KIAA1217: variants seen among roughly 807,000 people sequenced by gnomAD.
KIAA1217 encodes the protein KIAA1217.
In KIAA1217, 88 loss-of-function variants were observed where a neutral mutation model predicts 163.9. The observed-to-expected ratio is 0.54, with a 90% CI of 0.45 to 0.64. The LOEUF is 0.64. Among genes scored for constraint, KIAA1217 ranks in the 30% least tolerant of loss-of-function variants. The pLI is 0.00. For missense variants in KIAA1217, 2,372 were observed against 2,475.0 expected, an observed-to-expected ratio of 0.96 and a Z score of 0.88; for synonymous variants, 903 against 923.1, an observed-to-expected ratio of 0.98 and a Z score of 0.39.
At chr10:23,702,008 C>T (rs1836485277) in intron 1 of KIAA1217, among the ~76,000 whole-genome samples, 1 of 152,070 alleles carries the variant, frequency 6.6e-6, no homozygotes, top group Non-Finnish European at 1.5e-5. Context: ...GAAAGAGAGC[C>T]TTGGGTTTAG....
At chr10:23,906,359 T>C (rs1434065344) in intron 1 of KIAA1217, among the ~76,000 whole-genome samples, 1 of 152,046 alleles carries the variant, frequency 6.6e-6, no homozygotes, top group East Asian at 1.9e-4. Flanking sequence ...AATCTCTTCA[T>C]TACTCACTAC....
chr10:24,271,520 G>A (rs1204800670), intron 2 of KIAA1217, among the ~76,000 whole-genome samples: 1 of 152,144 alleles, frequency 6.6e-6, no homozygotes, highest in African/African-American at 2.4e-5. Context: ...GGAGGCCGAG[G>A]TGGGTAGATC....
intron 5 of KIAA1217, among the ~76,000 whole-genome samples, chr10:24,444,513 A>G (rs1046460324): frequency 6.6e-6 from 1 of 152,212 alleles, no homozygotes; most frequent in East Asian, 1.9e-4. Flanking sequence ...CAAAGCCACA[A>G]GCCATATTAT....
At position 23,763,920 on chromosome 10, in the gene KIAA1217, C is replaced by A. The variant is rs117658812; in HGVS notation, c.-321+68686C>A. On this transcript the variant is annotated intron_variant, in intron 1 of 18. Transcript: ENST00000376462. ...TAGTTGGGAAAGTCATTTAAAAAAG[C>A]CAAAAGCAATTGCAACAAAAGCCAA... Among the ~76,000 whole-genome samples the A allele has an allele frequency of 1.3e-3, 201 of 151,982 alleles. 5 individuals carry two copies. In the East Asian group the frequency reaches 0.033, roughly 25 times the overall value.
chr10:24,064,162 G>C (rs1019518624), intron 2 of KIAA1217, among the ~76,000 whole-genome samples: 6 of 152,146 alleles, frequency 3.9e-5, no homozygotes, highest in African/African-American at 1.2e-4. Context: ...GCCCTGGCCA[G>C]AACTTCCAAC....
rs220346 is a variant in KIAA1217 at position 24,341,331 on chromosome 10, T to C, written c.355-39538T>C. The stretch of plus-strand genomic sequence containing the variant: ...AATCCTTCATTGGGATGGAAATCAG[T>C]AGGTCAGTTGGAAGATTGTCAAGCC... On this transcript the variant is annotated intron_variant, in intron 2 of 20. Transcript: ENST00000376454. Among the ~76,000 whole-genome samples the C allele has an allele frequency of 1.9e-3, 290 of 151,866 alleles. 2 individuals are homozygous for C. The highest frequency in any genetic ancestry group is 0.014 in the Middle Eastern group (4 of 294).
intron 1 of KIAA1217, among the ~76,000 whole-genome samples, chr10:23,740,922 T>C (rs7920016): frequency 0.28 from 42,682 of 151,984 alleles, 6,716 homozygotes; most frequent in African/African-American, 0.42. Context: ...AGCAAGACTC[T>C]GTCTCAAAAA....
At chr10:24,417,334 T>C (rs1332196626) in intron 3 of KIAA1217, among the ~76,000 whole-genome samples, 1 of 152,150 alleles carries the variant, frequency 6.6e-6, no homozygotes, top group East Asian at 1.9e-4. Context: ...CTTCAGTAGA[T>C]CTGGGGAACA....
At chr10:24,078,849 T>C (rs1035902966) in intron 2 of KIAA1217, among the ~76,000 whole-genome samples, 2 of 152,182 alleles carry the variant, frequency 1.3e-5, no homozygotes, top group African/African-American at 2.4e-5. Flanking sequence ...CTGTGTCCTA[T>C]GGGCAATGCC....
chr10:24,345,094 C>T (rs1378654560), intron 2 of KIAA1217, among the ~76,000 whole-genome samples: 3 of 152,180 alleles, frequency 2.0e-5, no homozygotes, highest in Admixed American at 2.0e-4. Flanking sequence ...TGTTCTTTGG[C>T]TTCAGATATG....
intron 11 of KIAA1217, 50 bp downstream of exon 11, chr10:24,520,303 G>T: frequency 6.2e-7 from 1 of 1,600,622 alleles, no homozygotes; most frequent in Non-Finnish European, 8.5e-7. Context: ...CTTTCCTGCG[G>T]TGTTTAAAAA....
intron 2 of KIAA1217, among the ~76,000 whole-genome samples, chr10:24,270,035 G>A (rs764248237): frequency 8.5e-5 from 13 of 152,328 alleles, no homozygotes; most frequent in Admixed American, 3.3e-4. Context: ...GGCAGTAAGC[G>A]TTAGAACACA....
intron 2 of KIAA1217, among the ~76,000 whole-genome samples, chr10:24,073,723 G>A (rs1334327388): frequency 6.6e-6 from 1 of 152,190 alleles, no homozygotes; most frequent in Non-Finnish European, 1.5e-5. Flanking sequence ...TGACTCCTCT[G>A]AACTTCCAGA....
At chr10:23,773,450 T>C (rs1305580661) in intron 1 of KIAA1217, among the ~76,000 whole-genome samples, 1 of 151,752 alleles carries the variant, frequency 6.6e-6, no homozygotes, top group Non-Finnish European at 1.5e-5. Flanking sequence ...ATGTGGGCTC[T>C]TTTTTGGTTC....
At chr10:23,997,267 T>C (rs1274685126) in intron 1 of KIAA1217, among the ~76,000 whole-genome samples, 1 of 152,020 alleles carries the variant, frequency 6.6e-6, no homozygotes, top group Non-Finnish European at 1.5e-5. Context: ...TTATCACATG[T>C]CCCCCCAAAA....
intron 1 of KIAA1217, among the ~76,000 whole-genome samples, chr10:23,811,691 C>T (rs144055815): frequency 6.6e-5 from 10 of 151,838 alleles, no homozygotes; most frequent in Non-Finnish European, 1.2e-4. Flanking sequence ...AGAACCAGGG[C>T]GATGGCAGTG....
chr10:23,699,877 G>A (rs192495574), intron 1 of KIAA1217, among the ~76,000 whole-genome samples: 17 of 152,262 alleles, frequency 1.1e-4, no homozygotes, highest in Admixed American at 8.5e-4. Flanking sequence ...TTTTAAGAAG[G>A]GAAGGAACCA....
intron 2 of KIAA1217, among the ~76,000 whole-genome samples, chr10:24,037,495 A>T (rs28706397): frequency 1.3e-5 from 2 of 152,136 alleles, no homozygotes; most frequent in African/African-American, 4.8e-5. Context: ...GTCTCAAAAA[A>T]ACAAAAAAGC....
rs747852452 is a variant in KIAA1217 at position 24,473,440 on chromosome 10, C to A, written c.1059C>A (p.Ser353Arg). The change falls in exon 6 of 21, where the codon AGC becomes AGA. Residue 353 changes from serine (S) to arginine (R), a missense_variant. By Grantham distance (110) the Ser-to-Arg change is moderately radical (BLOSUM62 -1). Around this residue, in one of 3 missense-constraint regions of KIAA1217, gnomAD observed 1,431 missense variants for 1,470.3 expected, o/e 0.97. Coordinates refer to ENST00000376454, the MANE Select transcript of KIAA1217 (RefSeq NM_019590.5). ...NATIPRDRIS[S>R]LPVSRPISPS... ...CCATCCCCAGGGACAGAATCTCCAGCCTGCCAGTCTCCAGACCCATCTCTC... is the reference window on the plus strand; with the variant it reads ...CCATCCCCAGGGACAGAATCTCCAGACTGCCAGTCTCCAGACCCATCTCTC... The A allele has an allele frequency of 6.2e-6, 10 of 1,614,148 alleles. No homozygotes were observed. Among genetic ancestry groups the A allele is most frequent in the Admixed American group, 3.3e-5 (2 of 60,022 alleles).
Sources: gnomAD v4.1 joint callset for allele counts (sites outside exome capture counted in the v4.1 genomes callset) on GRCh38, gnomAD v4.1.1 for gene constraint, gnomAD v4.1.1 regional missense constraint, MANE v1.5 for transcripts, NCBI Gene and HGNC (gene_info 2026-07-23, HGNC 2026-07-21) for gene names.